Variants in MCF2L2 observed in about 807,000 individuals in gnomAD.
MCF2L2 encodes the protein probable guanine nucleotide exchange factor MCF2L2.
A neutral mutation model predicts 150.2 loss-of-function variants in MCF2L2; 102 were observed. That is an observed-to-expected ratio of 0.68 (90% confidence interval 0.58 to 0.80). The LOEUF is 0.80. MCF2L2 is among the 30% of genes least tolerant of loss of function. The pLI is 0.00. For synonymous variants in MCF2L2, 465 were observed against 491.3 expected, an observed-to-expected ratio of 0.95 and a Z score of 0.71; for missense variants, 1,256 against 1,372.8, an observed-to-expected ratio of 0.91 and a Z score of 1.34.
rs1379611742 is a variant in MCF2L2, at chr3:183,374,110, C to T, written c.275+5187G>A. On this transcript the variant is annotated intron_variant, in intron 3 of 29. Coordinates refer to ENST00000328913, the MANE Select transcript of MCF2L2 (RefSeq NM_015078.4). ...CCTCCCTTTCCTGCTCTCTCCAATC[C>T]ATCCTACACACCACCACCAGATCAA... The T allele has an allele frequency of 2.6e-5, 4 of 152,724 alleles. No individual in the cohort carries two copies. In the East Asian group the frequency reaches 7.7e-4, roughly 29 times the overall value. 9.5% of individuals were successfully genotyped at this position (152,724 alleles called of 1,614,324 possible).
At chr3:183,220,777 G>A (rs1560350132) in intron 20 of MCF2L2, among the ~76,000 whole-genome samples, 2 of 152,190 alleles carry the variant, frequency 1.3e-5, no homozygotes, top group African/African-American at 2.4e-5. Flanking sequence ...AACTAGAGGT[G>A]TAGAACTTTT....
At chr3:183,352,676 A>C (rs1374577802) in intron 3 of MCF2L2, among the ~76,000 whole-genome samples, 1 of 152,206 alleles carries the variant, frequency 6.6e-6, no homozygotes, top group African/African-American at 2.4e-5. Flanking sequence ...GTAGCTCTTG[A>C]GTAAAAAAAG....
intron 3 of MCF2L2, among the ~76,000 whole-genome samples, chr3:183,367,547 T>TA (rs1161273381): frequency 2.0e-5 from 3 of 152,134 alleles, no homozygotes; most frequent in African/African-American, 7.2e-5. Flanking sequence ...GTCTATTACT[T>TA]AAAATCAACC....
chr3:183,284,673 G>C (rs1727690526), intron 14 of MCF2L2, among the ~76,000 whole-genome samples: 1 of 151,526 alleles, frequency 6.6e-6, no homozygotes, highest in African/African-American at 2.4e-5. Context: ...TGGCACTCCA[G>C]CTTGGGCAAC....
Position 183,267,174 on chromosome 3 carries a change from A to G in MCF2L2, c.1862+9698T>C, listed in dbSNP as rs1410626812. 1.3e-5 allele frequency among the ~76,000 whole-genome samples: 2 copies of G among 152,204 alleles called. No homozygotes were observed. The highest frequency in any genetic ancestry group is 2.4e-5 in the African/African-American group (1 of 41,448). On this transcript the variant is annotated intron_variant, in intron 15 of 29. Transcript: ENST00000328913. The surrounding 1 kb of genome is among the most constrained non-coding windows in gnomAD (Gnocchi z 5.5). ...ACAGAAAACCCAAAAGTTTCACAAA[A>G]TGATTCTTGCTCTTACTACTCTCAG...
At chr3:183,240,092 T>C (rs140664944) in intron 15 of MCF2L2, among the ~76,000 whole-genome samples, 1 of 152,236 alleles carries the variant, frequency 6.6e-6, no homozygotes, top group African/African-American at 2.4e-5. Context: ...GGGTGACTAC[T>C]GACTCTCCAC....
chr3:183,225,418 T>G (rs965368390), intron 18 of MCF2L2: 2 of 152,202 alleles, frequency 1.3e-5, no homozygotes, highest in African/African-American at 4.8e-5. Context: ...CAGTCCAAAA[T>G]TCCTCAGAGA....
chr3:183,282,805 A>G (rs1279854442), intron 14 of MCF2L2, among the ~76,000 whole-genome samples: 1 of 152,238 alleles, frequency 6.6e-6, no homozygotes, highest in African/African-American at 2.4e-5. Context: ...ATTTGGTCCC[A>G]AAGCTAGTTT....
intron 15 of MCF2L2, among the ~76,000 whole-genome samples, chr3:183,274,517 T>C (rs1727040818): frequency 6.6e-6 from 1 of 152,242 alleles, no homozygotes; most frequent in Admixed American, 6.5e-5. Flanking sequence ...TCACATGGCA[T>C]ATTGTGTAAC....
At chr3:183,314,591 G>A (rs879423777) in intron 7 of MCF2L2, among the ~76,000 whole-genome samples, 1 of 151,978 alleles carries the variant, frequency 6.6e-6, no homozygotes, top group Non-Finnish European at 1.5e-5. Context: ...AGGAATTCAA[G>A]AAATCAAGCC....
intron 27 of MCF2L2, chr3:183,182,575 A>AG (rs1227060682): frequency 1.3e-5 from 2 of 152,610 alleles, no homozygotes; most frequent in Non-Finnish European, 2.9e-5. Flanking sequence ...ACAAAGCAGG[A>AG]GGGGGGGCTG....
chr3:183,338,435 G>A (rs528465805), intron 5 of MCF2L2, among the ~76,000 whole-genome samples: 10 of 117,614 alleles, frequency 8.5e-5, no homozygotes, highest in South Asian at 5.3e-4. Context: ...TGACAGGAGC[G>A]AAACTCTATC....
intron 1 of MCF2L2, chr3:183,400,230 G>C (rs1282244970): frequency 9.8e-6 from 3 of 305,132 alleles, no homozygotes; most frequent in Non-Finnish European, 2.0e-5. Flanking sequence ...AAAAACTTGA[G>C]ACGGTACTGC....
chr3:183,363,561 T>C lies in MCF2L2; in HGVS notation c.275+15736A>G, dbSNP rs1042902358. 6.8e-5 allele frequency among the ~76,000 whole-genome samples: 9 copies of C among 132,808 alleles called. No individual in the cohort carries two copies. The East Asian group carries it at 2.1e-3, about 31-fold the overall frequency. The allele number at this position is 132,808 out of a possible 152,430, so 87.1% of individuals were successfully genotyped here. ...AAGTTTGAGACCAGCGTGGGCAACA[T>C]AGGGAGACCCCAACTCTACAAAAAA... On this transcript the variant is annotated intron_variant, in intron 3 of 29. Transcript: ENST00000328913.
chr3:183,375,051 C>T (rs949762414), intron 3 of MCF2L2: 1 of 151,348 alleles, frequency 6.6e-6, no homozygotes, highest in African/African-American at 2.4e-5. Flanking sequence ...TGTCCCAATA[C>T]CATAACAATA....
chr3:183,301,028 A>AG (rs1363548103), intron 10 of MCF2L2, among the ~76,000 whole-genome samples: 1 of 151,266 alleles, frequency 6.6e-6, no homozygotes, highest in Non-Finnish European at 1.5e-5. Flanking sequence ...AAAAAAAAAA[A>AG]AAAAAAAAAG....
chr3:183,206,007 G>A, intron 24 of MCF2L2, 53 bp from the exon 25 acceptor site: 1 of 1,567,560 alleles, frequency 6.4e-7, no homozygotes, highest in Non-Finnish European at 8.8e-7. Context: ...ATTAATTGCA[G>A]AGTTTTTATT....
intron 27 of MCF2L2, among the ~76,000 whole-genome samples, chr3:183,187,550 C>T (rs112324926): frequency 6.6e-6 from 1 of 152,158 alleles, no homozygotes; most frequent in Non-Finnish European, 1.5e-5. Context: ...CTCACTGCAA[C>T]CTCCGCTTCC....
intron 15 of MCF2L2, among the ~76,000 whole-genome samples, chr3:183,262,175 A>G (rs1322607982): frequency 6.6e-6 from 1 of 150,646 alleles, no homozygotes; most frequent in Non-Finnish European, 1.5e-5. Flanking sequence ...GTTTTATGAT[A>G]CTTTATTATA....
Sources: allele counts gnomAD v4.1 joint callset (sites outside exome capture counted in the v4.1 genomes callset), GRCh38; gene constraint gnomAD v4.1.1; non-coding constraint Gnocchi (gnomAD v3.1); transcripts MANE v1.5; gene names NCBI Gene and HGNC (gene_info 2026-07-23, HGNC 2026-07-21).